SUMF1: variants seen among roughly 807,000 people sequenced by gnomAD.
SUMF1 encodes sulfatase modifying factor 1, also known as formylglycine-generating enzyme.
In SUMF1, 48 loss-of-function variants were observed where a neutral mutation model predicts 47.6. The ratio of observed to expected loss-of-function variants is 1.01; its 90% CI spans 0.80 to 1.28. The LOEUF (loss-of-function observed/expected upper bound fraction) is 1.28. SUMF1 is among the 50% of genes most tolerant of loss of function. The probability of loss-of-function intolerance (pLI) is 0.00; values close to 1 mark genes in which losing one functional copy is unlikely to be tolerated. For missense variants in SUMF1, 571 were observed against 485.4 expected (o/e 1.18, Z -1.66); for synonymous variants, 230 against 192.1 (o/e 1.20, Z -1.63).
At chr3:4,319,552 C>CA (rs1246581221) in intron 8 of SUMF1, among the ~76,000 whole-genome samples, 1 of 152,160 alleles carries the variant, frequency 6.6e-6, no homozygotes, top group Non-Finnish European at 1.5e-5. Context: ...GGGAGGAACT[C>CA]AGATGAGACA....
At chr3:4,443,516 C>T (rs1382935174) in intron 3 of SUMF1, among the ~76,000 whole-genome samples, 1 of 152,124 alleles carries the variant, frequency 6.6e-6, no homozygotes, top group Non-Finnish European at 1.5e-5. Flanking sequence ...GTAATATCAG[C>T]ACTTTGGGAG....
At chr3:4,100,310 C>T (rs1443749345) in intron 8 of SUMF1, among the ~76,000 whole-genome samples, 5 of 151,838 alleles carry the variant, frequency 3.3e-5, no homozygotes. Flanking sequence ...CAATAATAAT[C>T]AAAATGGCAT....
intron 7 of SUMF1, among the ~76,000 whole-genome samples, chr3:4,395,265 A>G (rs992514361): frequency 6.6e-6 from 1 of 152,224 alleles, no homozygotes; most frequent in Non-Finnish European, 1.5e-5. Context: ...TTCTAGGTTC[A>G]GCAGCATCTC....
chr3:4,374,038 C>G (rs557612793), intron 8 of SUMF1, among the ~76,000 whole-genome samples: 1 of 152,236 alleles, frequency 6.6e-6, no homozygotes, highest in South Asian at 2.1e-4. Flanking sequence ...CTTTCTCAAG[C>G]TGTAAAGGGC....
At chr3:4,238,394 C>A (rs1696458444) in intron 8 of SUMF1, among the ~76,000 whole-genome samples, 1 of 152,166 alleles carries the variant, frequency 6.6e-6, no homozygotes, top group African/African-American at 2.4e-5. Flanking sequence ...CTCCCACCAA[C>A]AGTGTAAAAG....
At chr3:4,332,512 T>C (rs559329540) in intron 8 of SUMF1, among the ~76,000 whole-genome samples, 8 of 152,318 alleles carry the variant, frequency 5.3e-5, no homozygotes, top group African/African-American at 9.6e-5. Context: ...AAAACCACCT[T>C]AAGCAAAGTA....
At chr3:4,161,829 A>G (rs1694584094) in intron 8 of SUMF1, among the ~76,000 whole-genome samples, 1 of 152,014 alleles carries the variant, frequency 6.6e-6, no homozygotes, top group Non-Finnish European at 1.5e-5. Flanking sequence ...GTTGCAGGAC[A>G]AAGTCCCCTT....
At chr3:4,341,993 T>G (rs1699282183) in intron 8 of SUMF1, among the ~76,000 whole-genome samples, 1 of 152,236 alleles carries the variant, frequency 6.6e-6, no homozygotes, top group Non-Finnish European at 1.5e-5. Context: ...AATTTGATTA[T>G]AAGGATCTTA....
intron 8 of SUMF1, among the ~76,000 whole-genome samples, chr3:4,087,654 T>C (rs935619275): frequency 4.6e-5 from 7 of 152,062 alleles, no homozygotes; most frequent in African/African-American, 1.4e-4. Flanking sequence ...TGGCCATTAC[T>C]TCCCCACCAC....
rs375067012 is a variant in SUMF1 at position 4,313,334 on chromosome 3, A to G, written c.1014+62996T>C. The stretch of plus-strand genomic sequence containing the variant: ...TCCAATTACATTATAGCCATCAGGG[A>G]ACATGTTTATAATGGGCAGGTAATG... On this transcript the variant is annotated intron_variant and NMD_transcript_variant, in intron 8 of 12. Coordinates refer to the SUMF1 transcript ENST00000448413. 3 of 1,613,922 alleles carry G rather than the reference A, an allele frequency of 1.9e-6. No homozygotes were observed. The South Asian group carries it at 3.3e-5, about 18-fold the overall frequency.
intron 8 of SUMF1, among the ~76,000 whole-genome samples, chr3:4,236,796 A>G (rs1187396009): frequency 6.6e-6 from 1 of 152,136 alleles, no homozygotes; most frequent in East Asian, 1.9e-4. Flanking sequence ...GTTCACCCTT[A>G]GTGTTGTACA....
chr3:4,234,539 T>C (rs573998747), intron 8 of SUMF1, among the ~76,000 whole-genome samples: 66 of 152,290 alleles, frequency 4.3e-4, no homozygotes, highest in African/African-American at 1.4e-3. Context: ...ACTGTTTATG[T>C]GTATTCATAT....
At chr3:4,216,629 G>C (rs1405109823) in intron 8 of SUMF1, among the ~76,000 whole-genome samples, 1 of 149,758 alleles carries the variant, frequency 6.7e-6, no homozygotes, top group Admixed American at 6.7e-5. Context: ...AGAAAAAAGG[G>C]CCAATATCCA....
intron 7 of SUMF1, among the ~76,000 whole-genome samples, chr3:4,379,607 A>G (rs1459901022): frequency 6.6e-6 from 1 of 152,144 alleles, no homozygotes; most frequent in African/African-American, 2.4e-5. Context: ...GATGGTCAAG[A>G]GATGGAGGTC....
At chr3:4,384,667 T>C (rs1286088281) in intron 7 of SUMF1, among the ~76,000 whole-genome samples, 1 of 152,206 alleles carries the variant, frequency 6.6e-6, no homozygotes, top group Non-Finnish European at 1.5e-5. Flanking sequence ...CAACAATCTA[T>C]CCCTTATTAC....
At position 4,169,846 on chromosome 3, in the gene SUMF1, C is replaced by G. The variant is rs149952690; in HGVS notation, c.1015-101101G>C. On this transcript the variant is annotated intron_variant and NMD_transcript_variant, in intron 8 of 12. Transcript: ENST00000448413. ...TAAGGACTAGCTGGAGAGAGATGAA[C>G]TATCAAACTTCAGCACTGCAAAAGC... Among the ~76,000 whole-genome samples the G allele has an allele frequency of 7.3e-3, 1,110 of 152,262 alleles. 8 individuals are homozygous for G. Among genetic ancestry groups the G allele is most frequent in the Middle Eastern group, 0.014 (4 of 294 alleles).
intron 7 of SUMF1, among the ~76,000 whole-genome samples, chr3:4,388,594 AT>A (rs1700747943): frequency 6.6e-6 from 1 of 151,780 alleles, no homozygotes; most frequent in Non-Finnish European, 1.5e-5. Context: ...TAAGTCTGTC[AT>A]TTTATTTTTT....
intron 8 of SUMF1, among the ~76,000 whole-genome samples, chr3:4,069,185 A>G (rs753937295): frequency 2.6e-5 from 4 of 152,142 alleles, no homozygotes; most frequent in Non-Finnish European, 4.4e-5. Flanking sequence ...TAGTCACAGA[A>G]GGCTGTTTAT....
In SUMF1 at chr3:4,418,070, C is replaced by T. The variant is rs767948937; in HGVS notation, c.665G>A (p.Gly222Glu). 2 of 1,614,082 alleles carry T rather than the reference C, an allele frequency of 1.2e-6. No individual in the cohort carries two copies. The highest frequency in any genetic ancestry group is 1.7e-6 in the Non-Finnish European group (2 of 1,180,032). ...CTCAGCTTCCGTGGGCAGCCGCTTC[C>T]CTGCCCAAGTGCAGTAGGCAACCGC... Reference protein sequence around the residue: ...NDAVAYCTWAGKRLPTEAEWE... With the variant: ...NDAVAYCTWAEKRLPTEAEWE... The change falls in exon 5 of 9, where the codon GGG becomes GAG. Residue 222 changes from glycine (G) to glutamate (E), a missense_variant. Coordinates refer to ENST00000272902, the MANE Select transcript of SUMF1 (RefSeq NM_182760.4).
Sources: gnomAD v4.1 joint callset for allele counts (sites outside exome capture counted in the v4.1 genomes callset) on GRCh38, gnomAD v4.1.1 for gene constraint, MANE v1.5 for transcripts, NCBI Gene and HGNC (gene_info 2026-07-23, HGNC 2026-07-21) for gene names.